The following FRMD4A variants were observed in gnomAD, a reference collection of about 807,000 sequenced individuals.
The protein encoded by FRMD4A is FERM domain-containing protein 4A.
In FRMD4A, 29 loss-of-function variants were observed where a neutral mutation model predicts 129.1. The observed-to-expected ratio is 0.22, with a 90% CI of 0.17 to 0.31. The LOEUF (loss-of-function observed/expected upper bound fraction) is 0.31, where lower values mean the gene tolerates loss of function less well. Ranked by LOEUF, FRMD4A falls within the 10% of genes least tolerant of loss-of-function variation. The pLI, the probability that FRMD4A is intolerant of heterozygous loss-of-function variation, is 1.00. For synonymous variants in FRMD4A, 634 were observed against 571.6 expected, an observed-to-expected ratio of 1.11 and a Z score of -1.56; for missense variants, 1,272 against 1,375.8, an observed-to-expected ratio of 0.92 and a Z score of 1.19.
chr10:14,297,125 G>C (rs1390405479), intron 2 of FRMD4A, among the ~76,000 whole-genome samples: 1 of 146,834 alleles, frequency 6.8e-6, no homozygotes, highest in Non-Finnish European at 1.5e-5. Flanking sequence ...CTTTTCAGAT[G>C]TTCTCTTTCT....
intron 2 of FRMD4A, among the ~76,000 whole-genome samples, chr10:14,212,714 C>A (rs1185758956): frequency 6.6e-6 from 1 of 152,194 alleles, no homozygotes; most frequent in African/African-American, 2.4e-5. Flanking sequence ...ACTGTAAGTA[C>A]CTTAATGCCT....
chr10:14,177,804 A>G (rs559759679), intron 2 of FRMD4A, among the ~76,000 whole-genome samples: 3 of 152,242 alleles, frequency 2.0e-5, no homozygotes, highest in African/African-American at 7.2e-5. Flanking sequence ...GGAGGGTAGA[A>G]CTTTTCTGGT....
chr10:13,957,654 A>G (rs184986903), intron 2 of FRMD4A, among the ~76,000 whole-genome samples: 2 of 152,358 alleles, frequency 1.3e-5, no homozygotes, highest in Admixed American at 1.3e-4. Flanking sequence ...ACAGTGTCTC[A>G]AGATTTAGAA....
chr10:14,037,592 A>G (rs905108329), intron 2 of FRMD4A, among the ~76,000 whole-genome samples: 6 of 152,198 alleles, frequency 3.9e-5, no homozygotes, highest in African/African-American at 1.4e-4. Flanking sequence ...GTTTTTGTAC[A>G]TCTGTCAATG....
Position 13,884,174 on chromosome 10 carries a change from A to ACTCTCT in FRMD4A, c.46-25263_46-25262insAGAGAG, listed in dbSNP as rs59277823. ...CACACTCTCACACACACACTCACAC[A>ACTCTCT]CTCACACACACACACACACACTCAC... On this transcript the variant is annotated intron_variant, in intron 2 of 24. Transcript: ENST00000357447. Among the ~76,000 whole-genome samples the ACTCTCT allele has an allele frequency of 1.3e-4, 14 of 105,294 alleles. No homozygotes were observed. The East Asian group carries it at 1.9e-3, about 14-fold the overall frequency. 69.1% of individuals were successfully genotyped at this position (105,294 alleles called of 152,430 possible).
chr10:14,191,978 A>C lies in FRMD4A; in HGVS notation c.45+138080T>G, dbSNP rs1046316808. On this transcript the variant is annotated intron_variant, in intron 2 of 24. Transcript: ENST00000357447. Reference sequence around the variant, plus strand: ...CACTTCCACCAGACCACTTTTTCACATCCCCGGTTGACATTTCAACCAGGC... The same window carrying C: ...CACTTCCACCAGACCACTTTTTCACCTCCCCGGTTGACATTTCAACCAGGC... Among the ~76,000 whole-genome samples the C allele has an allele frequency of 2.0e-5, 3 of 152,006 alleles. No individual in the cohort carries two copies. In the East Asian group the frequency reaches 5.8e-4, roughly 29 times the overall value.
At chr10:13,961,046 A>AT (rs1187962331) in intron 2 of FRMD4A, among the ~76,000 whole-genome samples, 2 of 152,314 alleles carry the variant, frequency 1.3e-5, no homozygotes, top group African/African-American at 4.8e-5. Context: ...AGTTACCTTA[A>AT]TTGATGACCC....
In FRMD4A at chr10:13,707,601, G is replaced by A. The variant is rs191919690; in HGVS notation, c.760-488C>T. 1.6e-4 allele frequency: 157 copies of A among 988,352 alleles called. 1 individual carries two copies. In the African/African-American group the frequency reaches 2.6e-3, roughly 17 times the overall value. The allele number at this position is 988,352 out of a possible 1,614,324, so 61.2% of individuals were successfully genotyped here. ...TCCCCTCCAGTGCTGAAATGGGAAG[G>A]CGTTCAAATTCCCAGCCTCCCATCG... On this transcript the variant is annotated intron_variant, in intron 12 of 24. Transcript: ENST00000357447.
At chr10:14,018,455 CAAAA>C (rs71388151) in intron 2 of FRMD4A, among the ~76,000 whole-genome samples, 896 of 59,184 alleles carry the variant, frequency 0.015, 5 homozygotes, top group African/African-American at 0.058. Flanking sequence ...GACTCCATCT[CAAAA>C]AAAAAAAAAA....
intron 2 of FRMD4A, among the ~76,000 whole-genome samples, chr10:13,872,333 A>C (rs2094447175): frequency 6.6e-6 from 1 of 152,192 alleles, no homozygotes; most frequent in Admixed American, 6.5e-5. Flanking sequence ...CTCTGGGGGC[A>C]CTGGTCATTT....
intron 2 of FRMD4A, among the ~76,000 whole-genome samples, chr10:13,933,863 C>T (rs2095225419): frequency 6.6e-6 from 1 of 152,078 alleles, no homozygotes; most frequent in Non-Finnish European, 1.5e-5. Flanking sequence ...GGTGGTGAAA[C>T]AGGGGAAAAG....
intron 2 of FRMD4A, chr10:13,971,560 C>T: frequency 1.5e-6 from 1 of 658,936 alleles, no homozygotes. Context: ...CTTCAGAGTC[C>T]CGAACACATG....
intron 2 of FRMD4A, among the ~76,000 whole-genome samples, chr10:13,912,515 A>G (rs1052789223): frequency 2.2e-5 from 3 of 137,352 alleles, no homozygotes; most frequent in African/African-American, 8.1e-5. Context: ...TATCCACATA[A>G]TAGAATTTTT....
At chr10:14,159,312 T>G (rs566297589) in intron 2 of FRMD4A, among the ~76,000 whole-genome samples, 5 of 152,336 alleles carry the variant, frequency 3.3e-5, no homozygotes, top group African/African-American at 9.6e-5. Flanking sequence ...ACAGCATTTC[T>G]ATATGCCAAT....
chr10:14,228,305 T>C (rs993603413), intron 2 of FRMD4A, among the ~76,000 whole-genome samples: 7 of 152,222 alleles, frequency 4.6e-5, no homozygotes, highest in Non-Finnish European at 7.3e-5. Context: ...ACAATGACGA[T>C]ATATTCACAA....
At chr10:14,145,781 C>T (rs1282479208) in intron 2 of FRMD4A, among the ~76,000 whole-genome samples, 1 of 152,122 alleles carries the variant, frequency 6.6e-6, no homozygotes, top group Non-Finnish European at 1.5e-5. Context: ...TCTCACTATG[C>T]TGCCTGAGAG....
chr10:14,246,643 T>A (rs2132013805), intron 2 of FRMD4A, among the ~76,000 whole-genome samples: 1 of 152,296 alleles, frequency 6.6e-6, no homozygotes, highest in African/African-American at 2.4e-5. Context: ...TTAATGCCAC[T>A]GATACAATAG....
At chr10:13,884,186 A>ACTCACACACACACT (rs1554956520) in intron 2 of FRMD4A, among the ~76,000 whole-genome samples, 2 of 109,596 alleles carry the variant, frequency 1.8e-5, no homozygotes, top group African/African-American at 7.1e-5. Context: ...TCACACACAC[A>ACTCACACACACACT]CACACACACT....
chr10:13,763,247 T>G (rs892889833), intron 6 of FRMD4A, among the ~76,000 whole-genome samples: 3 of 152,198 alleles, frequency 2.0e-5, no homozygotes, highest in Non-Finnish European at 4.4e-5. Context: ...GTTAATGTTA[T>G]TAATCACTGG....
Sources: gnomAD v4.1 joint callset for allele counts (sites outside exome capture counted in the v4.1 genomes callset) on GRCh38, gnomAD v4.1.1 for gene constraint, MANE v1.5 for transcripts, NCBI Gene and HGNC (gene_info 2026-07-23, HGNC 2026-07-21) for gene names.